Variants in CCDC148 observed in about 807,000 individuals in gnomAD.
CCDC148 encodes coiled-coil domain containing 148, also known as coiled-coil domain-containing protein 148.
In CCDC148, 89 loss-of-function variants were observed where a neutral mutation model predicts 85.7. That is an observed-to-expected ratio of 1.04 (90% CI 0.87 to 1.24). The LOEUF (loss-of-function observed/expected upper bound fraction) is 1.24. CCDC148 is among the 50% of genes most tolerant of loss of function. CCDC148 has a pLI of 0.00. For missense variants in CCDC148, 692 were observed against 671.7 expected (o/e 1.03, Z -0.33); for synonymous variants, 230 against 213.9 (o/e 1.08, Z -0.66).
chr2:158,209,879 G>A (rs149216374), intron 11 of CCDC148, among the ~76,000 whole-genome samples: 1,469 of 135,768 alleles, frequency 0.011, 10 homozygotes, highest in Non-Finnish European at 0.015. Flanking sequence ...GTAGACCATC[G>A]ACACTATGAA....
intron 9 of CCDC148, among the ~76,000 whole-genome samples, chr2:158,304,490 T>C (rs1691590837): frequency 6.6e-6 from 1 of 152,186 alleles, no homozygotes; most frequent in South Asian, 2.1e-4. Flanking sequence ...CCCACTGTTT[T>C]TGGGGTCCCC....
intron 1 of CCDC148, among the ~76,000 whole-genome samples, chr2:158,395,103 C>T (rs1685468996): frequency 6.6e-6 from 1 of 151,054 alleles, no homozygotes; most frequent in Non-Finnish European, 1.5e-5. Context: ...AATTCACAGC[C>T]AAAAAAAATG....
intron 12 of CCDC148, among the ~76,000 whole-genome samples, chr2:158,178,597 G>A (rs1490700818): frequency 6.6e-6 from 1 of 152,104 alleles, no homozygotes; most frequent in Non-Finnish European, 1.5e-5. Context: ...GTTGTAAATG[G>A]ATACTATCCA....
chr2:158,417,511 T>C (rs1024585097), intron 1 of CCDC148, among the ~76,000 whole-genome samples: 1 of 152,214 alleles, frequency 6.6e-6, no homozygotes, highest in Non-Finnish European at 1.5e-5. Context: ...ATGCTTCCAA[T>C]AAGCAAACTT....
chr2:158,201,896 C>T (rs548349908), intron 11 of CCDC148, among the ~76,000 whole-genome samples: 6 of 152,072 alleles, frequency 3.9e-5, no homozygotes, highest in Non-Finnish European at 7.3e-5. Context: ...TGGTTAAGTA[C>T]GTAATTGTCC....
At chr2:158,266,777 AG>A (rs371877731) in intron 9 of CCDC148, among the ~76,000 whole-genome samples, 5 of 152,068 alleles carry the variant, frequency 3.3e-5, no homozygotes, top group African/African-American at 1.2e-4. Context: ...AATCCCATCC[AG>A]GTTGCTACAA....
At chr2:158,238,716 A>G (rs978353918) in intron 10 of CCDC148, among the ~76,000 whole-genome samples, 2 of 152,202 alleles carry the variant, frequency 1.3e-5, no homozygotes, top group African/African-American at 4.8e-5. Context: ...AAATTCTACT[A>G]GAAAGCAGGC....
At chr2:158,267,967 T>C (rs1272996973) in intron 9 of CCDC148, among the ~76,000 whole-genome samples, 1 of 152,196 alleles carries the variant, frequency 6.6e-6, no homozygotes, top group African/African-American at 2.4e-5. Flanking sequence ...ATTGTATGGA[T>C]GCACCACGGA....
At chr2:158,362,492 T>G (rs148436945) in intron 1 of CCDC148, among the ~76,000 whole-genome samples, 2,591 of 152,204 alleles carry the variant, frequency 0.017, 39 homozygotes, top group Non-Finnish European at 0.028. Flanking sequence ...TGCAATCAAA[T>G]TAGAACTCAG....
At chr2:158,408,592 CACACACACACACAT>C (rs771139773) in intron 1 of CCDC148, among the ~76,000 whole-genome samples, 31 of 151,388 alleles carry the variant, frequency 2.0e-4, no homozygotes, top group Non-Finnish European at 3.2e-4. Context: ...TATTCATAAA[CACACACACACACAT>C]ACACAGACAC....
chr2:158,256,771 G>C (rs562702158), intron 9 of CCDC148, among the ~76,000 whole-genome samples: 1 of 151,602 alleles, frequency 6.6e-6, no homozygotes. Flanking sequence ...CTCAAGTCTT[G>C]GCTCAGATGC....
At chr2:158,358,697 T>C in intron 1 of CCDC148, 127 bp from the exon 2 acceptor site, 1 of 447,630 alleles carries the variant, frequency 2.2e-6, no homozygotes, top group Non-Finnish European at 3.6e-6. Context: ...ATATAAGAAA[T>C]AATATATTAC....
intron 1 of CCDC148, among the ~76,000 whole-genome samples, chr2:158,450,899 C>G (rs952341248): frequency 6.6e-6 from 1 of 152,132 alleles, no homozygotes; most frequent in African/African-American, 2.4e-5. Context: ...CTATACCCTT[C>G]TATCCCTCCT....
chr2:158,408,573 T>C (rs1686122849), intron 1 of CCDC148, among the ~76,000 whole-genome samples: 1 of 152,048 alleles, frequency 6.6e-6, no homozygotes, highest in Admixed American at 6.6e-5. Context: ...CTTTCTTTTT[T>C]AAGGATAATA....
chr2:158,262,664 G>A (rs2105153868), intron 9 of CCDC148, among the ~76,000 whole-genome samples: 1 of 151,998 alleles, frequency 6.6e-6, no homozygotes, highest in Non-Finnish European at 1.5e-5. Context: ...CTTACATAGT[G>A]GCAGGAGAGA....
chr2:158,262,751 G>A (rs894225537), intron 9 of CCDC148, among the ~76,000 whole-genome samples: 2 of 151,938 alleles, frequency 1.3e-5, no homozygotes, highest in Admixed American at 1.3e-4. Context: ...ACAGCATGGA[G>A]AAAGCCGCCC....
chr2:158,179,283 C>T (rs1049775691), intron 11 of CCDC148, among the ~76,000 whole-genome samples: 29 of 148,706 alleles, frequency 2.0e-4, no homozygotes, highest in Admixed American at 2.1e-4. Context: ...CTCAGCCTCC[C>T]GAGTAGCTGG....
At chr2:158,434,505 C>T (rs1687541107) in intron 1 of CCDC148, among the ~76,000 whole-genome samples, 1 of 152,142 alleles carries the variant, frequency 6.6e-6, no homozygotes, top group African/African-American at 2.4e-5. Context: ...GTAGATAAAA[C>T]CACAAAGATG....
intron 10 of CCDC148, 82 bp from the exon 11 acceptor site, chr2:158,220,795 T>C: frequency 9.5e-7 from 1 of 1,055,414 alleles, no homozygotes; most frequent in Non-Finnish European, 1.4e-6. Context: ...TATCCACTGG[T>C]TCGTATTACA....
Sources: gnomAD v4.1 joint callset for allele counts (sites outside exome capture counted in the v4.1 genomes callset) on GRCh38, gnomAD v4.1.1 for gene constraint, MANE v1.5 for transcripts, NCBI Gene and HGNC (gene_info 2026-07-23, HGNC 2026-07-21) for gene names.